PCDH15: variants seen among roughly 807,000 people sequenced by gnomAD.
The protein encoded by PCDH15 is protocadherin-15.
In PCDH15, 129 loss-of-function variants were observed where a neutral mutation model predicts 178.5. That is an observed-to-expected ratio of 0.72 (90% confidence interval 0.63 to 0.84). The LOEUF (loss-of-function observed/expected upper bound fraction) is 0.84, where lower values mean the gene tolerates loss of function less well. Ranked by LOEUF, PCDH15 falls within the 40% of genes least tolerant of loss-of-function variation. The pLI is 0.00. For missense variants in PCDH15, 2,230 were observed against 2,099.9 expected, an observed-to-expected ratio of 1.06 and a Z score of -1.21; for synonymous variants, 800 against 732.0, an observed-to-expected ratio of 1.09 and a Z score of -1.50.
Position 55,332,088 on chromosome 10 carries a change from T to C in PCDH15, c.-155-165437A>G, listed in dbSNP as rs182296245. On this transcript the variant is annotated intron_variant, in intron 2 of 5. Coordinates refer to the PCDH15 transcript ENST00000613346. ...AAGTGGTGTAACATTTATTTTTCTATGTAAATGTCAATTATTTGTGAAGAC... is the reference window on the plus strand; with the variant it reads ...AAGTGGTGTAACATTTATTTTTCTACGTAAATGTCAATTATTTGTGAAGAC... 1.1e-4 allele frequency among the ~76,000 whole-genome samples: 17 copies of C among 152,294 alleles called. No individual in the cohort carries two copies. In the East Asian group the frequency reaches 2.1e-3, roughly 19 times the overall value.
At chr10:54,215,315 G>A (rs1399150909) in intron 9 of PCDH15, among the ~76,000 whole-genome samples, 1 of 146,448 alleles carries the variant, frequency 6.8e-6, no homozygotes, top group Non-Finnish European at 1.5e-5. Flanking sequence ...GAGACAAGAA[G>A]GGAAATTCTA....
chr10:54,070,686 C>T (rs1255625600), intron 17 of PCDH15, among the ~76,000 whole-genome samples: 1 of 152,032 alleles, frequency 6.6e-6, no homozygotes, highest in Non-Finnish European at 1.5e-5. Flanking sequence ...AACTCCTAGG[C>T]TCAAGTGATT....
At chr10:55,389,359 T>C (rs548057329) in intron 2 of PCDH15, among the ~76,000 whole-genome samples, 1 of 152,032 alleles carries the variant, frequency 6.6e-6, no homozygotes, top group South Asian at 2.1e-4. Flanking sequence ...TAAGAGATAA[T>C]TCAGCCTCAA....
chr10:55,150,565 T>G lies in PCDH15; in HGVS notation c.-80+16011A>C, dbSNP rs149634193. Among the ~76,000 whole-genome samples, 106 of 152,240 alleles carry G rather than the reference T, an allele frequency of 7.0e-4. 1 individual carries two copies. The East Asian group carries it at 0.019, about 28-fold the overall frequency. On this transcript the variant is annotated intron_variant, in intron 2 of 5. Coordinates refer to the PCDH15 transcript ENST00000458638. ...ATTTGCACATACTAAAACTATAAAT[T>G]TGATATGATTTCACAACTGGAGGGT...
At chr10:54,277,186 G>A (rs896342979) in intron 8 of PCDH15, among the ~76,000 whole-genome samples, 1 of 151,536 alleles carries the variant, frequency 6.6e-6, no homozygotes, top group Admixed American at 6.6e-5. Flanking sequence ...CAGGAAAAAA[G>A]GCCTTAAACT....
chr10:54,156,104 T>C (rs1034788552), intron 13 of PCDH15, among the ~76,000 whole-genome samples: 3 of 152,188 alleles, frequency 2.0e-5, no homozygotes, highest in African/African-American at 7.2e-5. Context: ...ATACTATAAC[T>C]TTAAAGTGTT....
At chr10:54,934,667 G>A (rs1837860430) in intron 2 of PCDH15, among the ~76,000 whole-genome samples, 1 of 151,222 alleles carries the variant, frequency 6.6e-6, no homozygotes, top group Non-Finnish European at 1.5e-5. Flanking sequence ...GGAAGTCAGT[G>A]TGGCGATTCC....
chr10:54,279,399 T>C (rs1487353472), intron 8 of PCDH15, among the ~76,000 whole-genome samples: 4 of 151,670 alleles, frequency 2.6e-5, no homozygotes, highest in Admixed American at 1.3e-4. Flanking sequence ...AGTGCACAAA[T>C]ATGTAGTTAT....
At chr10:54,546,310 G>A (rs1223468884) in intron 2 of PCDH15, among the ~76,000 whole-genome samples, 1 of 152,148 alleles carries the variant, frequency 6.6e-6, no homozygotes, top group Non-Finnish European at 1.5e-5. Context: ...GATGGGATGA[G>A]TAATTCTCAT....
intron 3 of PCDH15, among the ~76,000 whole-genome samples, chr10:54,823,028 G>C (rs1427541184): frequency 1.3e-5 from 2 of 151,786 alleles, no homozygotes; most frequent in Non-Finnish European, 2.9e-5. Context: ...ATTATGGGTG[G>C]GTGCCACGAC....
At chr10:54,104,504 A>C (rs2094872043) in intron 15 of PCDH15, among the ~76,000 whole-genome samples, 1 of 152,058 alleles carries the variant, frequency 6.6e-6, no homozygotes. Context: ...ATCTTAGCAG[A>C]TTTGAGGCTC....
At chr10:54,479,116 AGATT>A (rs1374923917) in intron 3 of PCDH15, among the ~76,000 whole-genome samples, 2 of 152,078 alleles carry the variant, frequency 1.3e-5, no homozygotes, top group African/African-American at 2.4e-5. Context: ...AATTGTACAT[AGATT>A]TTTTATTTAA....
intron 1 of PCDH15, among the ~76,000 whole-genome samples, chr10:55,300,374 C>G (rs1348092933): frequency 1.3e-5 from 2 of 152,072 alleles, no homozygotes; most frequent in Non-Finnish European, 2.9e-5. Flanking sequence ...ACACGTTATG[C>G]AAGATGCACT....
intron 1 of PCDH15, among the ~76,000 whole-genome samples, chr10:54,669,064 A>C (rs1313572843): frequency 6.6e-6 from 1 of 152,110 alleles, no homozygotes; most frequent in Non-Finnish European, 1.5e-5. Flanking sequence ...TCAAACTAAA[A>C]ACATGAGGTT....
At chr10:54,279,575 A>T (rs1053789742) in intron 8 of PCDH15, among the ~76,000 whole-genome samples, 1 of 151,668 alleles carries the variant, frequency 6.6e-6, no homozygotes, top group Non-Finnish European at 1.5e-5. Flanking sequence ...CCATCCAAAT[A>T]TGATAGAAGA....
chr10:54,981,154 A>G (rs1406702029), intron 2 of PCDH15, among the ~76,000 whole-genome samples: 1 of 152,178 alleles, frequency 6.6e-6, no homozygotes, highest in Non-Finnish European at 1.5e-5. Flanking sequence ...GCAACAAACA[A>G]AAACTCAAAA....
At chr10:54,293,260 C>T (rs908150929) in intron 8 of PCDH15, among the ~76,000 whole-genome samples, 11 of 152,092 alleles carry the variant, frequency 7.2e-5, no homozygotes, top group Non-Finnish European at 1.2e-4. Context: ...AACTGGCTAG[C>T]CACATGTAGA....
chr10:54,273,446 AAAGAG>A (rs2058164744), intron 8 of PCDH15, among the ~76,000 whole-genome samples: 1 of 152,062 alleles, frequency 6.6e-6, no homozygotes, highest in Non-Finnish European at 1.5e-5. Context: ...ATGACCAAGT[AAAGAG>A]AAAAGGAAGG....
intron 2 of PCDH15, among the ~76,000 whole-genome samples, chr10:55,563,031 C>T (rs1479933788): frequency 1.3e-5 from 2 of 151,902 alleles, no homozygotes; most frequent in African/African-American, 2.4e-5. Flanking sequence ...ACCCTCAACC[C>T]CAAGACAGGG....
Sources: gnomAD v4.1 joint callset for allele counts (sites outside exome capture counted in the v4.1 genomes callset) on GRCh38, gnomAD v4.1.1 for gene constraint, MANE v1.5 for transcripts, NCBI Gene and HGNC (gene_info 2026-07-23, HGNC 2026-07-21) for gene names.